The following DST variants were observed in gnomAD, a reference collection of about 807,000 sequenced individuals.
The protein encoded by DST is dystonin, also known as bullous pemphigoid antigen.
DST carries 253 observed loss-of-function variants against 875.2 expected under a neutral mutation model. The observed-to-expected ratio is 0.29, with a 90% CI of 0.26 to 0.32. The LOEUF (loss-of-function observed/expected upper bound fraction) is 0.32, where lower values mean the gene tolerates loss of function less well. DST is among the 10% of genes least tolerant of loss of function. The pLI, the probability that DST is intolerant of heterozygous loss-of-function variation, is 1.00. For missense variants in DST, 8,287 were observed against 9,111.6 expected (o/e 0.91, Z 3.68); for synonymous variants, 3,124 against 3,197.1 (o/e 0.98, Z 0.77).
chr6:56,784,926 G>A (rs1364351656), intron 4 of DST, among the ~76,000 whole-genome samples: 2 of 152,114 alleles, frequency 1.3e-5, no homozygotes, highest in Middle Eastern at 3.2e-3. Context: ...CTTTCTGTTT[G>A]TTAGTTTTCC....
At chr6:56,587,775 G>T (rs2152675077) in intron 49 of DST, among the ~76,000 whole-genome samples, 4 of 152,074 alleles carry the variant, frequency 2.6e-5, no homozygotes, top group Admixed American at 2.6e-4. Flanking sequence ...TTAAAGAAAA[G>T]AATTTTCAAC....
intron 61 of DST, among the ~76,000 whole-genome samples, chr6:56,537,157 A>G (rs1046086605): frequency 2.0e-5 from 3 of 152,248 alleles, no homozygotes; most frequent in African/African-American, 7.2e-5. Context: ...TGAGAATACT[A>G]AAGAATGATA....
intron 4 of DST, among the ~76,000 whole-genome samples, chr6:56,751,724 C>T (rs1343504376): frequency 6.6e-6 from 1 of 152,118 alleles, no homozygotes; most frequent in Non-Finnish European, 1.5e-5. Flanking sequence ...TTCTGTATAA[C>T]TACGAAATTA....
chr6:56,827,766 C>A (rs559669458), intron 4 of DST, among the ~76,000 whole-genome samples: 92 of 152,116 alleles, frequency 6.0e-4, no homozygotes, highest in Admixed American at 2.0e-4. Context: ...TAGAACTAAG[C>A]AGGGGCGGAA....
At chr6:56,626,047 T>C (rs1403624889) in intron 34 of DST, among the ~76,000 whole-genome samples, 1 of 151,680 alleles carries the variant, frequency 6.6e-6, no homozygotes, top group Admixed American at 6.6e-5. Flanking sequence ...AAGAAGATGC[T>C]TTTGTATGGC....
At chr6:56,815,604 T>C (rs1031855552) in intron 4 of DST, among the ~76,000 whole-genome samples, 7 of 152,282 alleles carry the variant, frequency 4.6e-5, no homozygotes, top group African/African-American at 9.6e-5. Flanking sequence ...CAAAGAGATA[T>C]GGAAGATGCC....
At chr6:56,570,156 C>T in intron 53 of DST, 144 bp from the exon 54 acceptor site, 1 of 587,472 alleles carries the variant, frequency 1.7e-6, no homozygotes, top group Non-Finnish European at 2.8e-6. Context: ...TAGGTGACAA[C>T]TGAAATCAGC....
chr6:56,603,757 G>A (rs373686107), intron 40 of DST, 44 bp from the exon 41 acceptor site: 3 of 1,577,674 alleles, frequency 1.9e-6, no homozygotes, highest in Non-Finnish European at 2.6e-6. Context: ...CCTTTATGCA[G>A]ATGTTTAAAG....
At chr6:56,901,636 T>A (rs1016234648) in intron 2 of DST, among the ~76,000 whole-genome samples, 23 of 149,776 alleles carry the variant, frequency 1.5e-4, no homozygotes, top group African/African-American at 5.9e-4. Flanking sequence ...TATATGTGTG[T>A]GTGTGTATCT....
At chr6:56,753,342 C>T (rs955001783) in intron 4 of DST, among the ~76,000 whole-genome samples, 1 of 152,168 alleles carries the variant, frequency 6.6e-6, no homozygotes, top group Admixed American at 6.5e-5. Flanking sequence ...TGCATATAAG[C>T]ATTTTCCTCT....
chr6:56,458,754 C>T lies in DST; in HGVS notation c.*251G>A. ...GTAACTGAGTTTAGTGTGTGCCCGG[C>T]ACGTTACAGTGCAGAAATGTTAGTT... On this transcript the variant is annotated 3_prime_UTR_variant, in exon 104 of 104. Coordinates refer to ENST00000680361, the MANE Select transcript of DST (RefSeq NM_001374736.1). 1 of 336,318 alleles carries T rather than the reference C, an allele frequency of 3.0e-6. No homozygotes were observed. Among genetic ancestry groups the T allele is most frequent in the Non-Finnish European group, 5.3e-6 (1 of 187,480 alleles). 20.8% of individuals were successfully genotyped at this position (336,318 alleles called of 1,614,324 possible).
chr6:56,805,298 A>C (rs1342135317), intron 4 of DST, among the ~76,000 whole-genome samples: 1 of 152,182 alleles, frequency 6.6e-6, no homozygotes, highest in Non-Finnish European at 1.5e-5. Flanking sequence ...GGTAAAATAC[A>C]AGGTCTTTGG....
chr6:56,515,749 C>T, intron 71 of DST, 81 bp from the exon 72 acceptor site: 2 of 1,071,548 alleles, frequency 1.9e-6, no homozygotes, highest in Non-Finnish European at 2.7e-6. Context: ...CAGCACAGTA[C>T]ACCTGGACAG....
chr6:56,561,651 C>G (rs113274402), intron 56 of DST, 102 bp from the exon 57 acceptor site: 1 of 1,174,668 alleles, frequency 8.5e-7, no homozygotes. Flanking sequence ...TCACTTCTAG[C>G]TTGTCATTAT....
intron 44 of DST, 59 bp from the exon 45 acceptor site, chr6:56,600,280 T>C: frequency 6.7e-7 from 1 of 1,503,636 alleles, no homozygotes; most frequent in Non-Finnish European, 9.1e-7. Flanking sequence ...ATCGCTATTG[T>C]GATAGCTTCT....
At chr6:56,706,903 G>T (rs1043626567) in intron 5 of DST, among the ~76,000 whole-genome samples, 1 of 152,198 alleles carries the variant, frequency 6.6e-6, no homozygotes, top group African/African-American at 2.4e-5. Flanking sequence ...TACTTGGGAC[G>T]CTGAGGCAGG....
rs368963414 is a variant in DST, at chr6:56,528,835, T to C, written c.17680+6A>G. The stretch of plus-strand genomic sequence containing the variant: ...ACATGATGATTTGATTTGAAAGATA[T>C]CTCACCTGTGGTTTGTTTAAGTAGT... On this transcript the variant is annotated splice_donor_region_variant and intron_variant, in intron 67 of 103. Coordinates refer to ENST00000680361, the MANE Select transcript of DST (RefSeq NM_001374736.1). 6 of 1,525,118 alleles carry C rather than the reference T, an allele frequency of 3.9e-6. No homozygotes were observed. Among genetic ancestry groups the C allele is most frequent in the Non-Finnish European group, 5.4e-6 (6 of 1,115,304 alleles). The allele number at this position is 1,525,118 out of a possible 1,614,324, so 94.5% of individuals were successfully genotyped here. A position where few individuals can be genotyped will look rare whatever the true frequency, so the allele number is the denominator to read the frequency against.
chr6:56,679,628 G>A (rs111361202), intron 9 of DST, among the ~76,000 whole-genome samples: 237 of 150,286 alleles, frequency 1.6e-3, no homozygotes, highest in African/African-American at 5.6e-3. Flanking sequence ...AAAATTAGCT[G>A]GGTACAGTGC....
intron 3 of DST, among the ~76,000 whole-genome samples, chr6:56,858,985 TAC>T: frequency 6.6e-6 from 1 of 152,196 alleles, no homozygotes; most frequent in Non-Finnish European, 1.5e-5. Context: ...GACCACATGG[TAC>T]TAAGTGCCCT....
Sources: gnomAD v4.1 joint callset for allele counts (sites outside exome capture counted in the v4.1 genomes callset) on GRCh38, gnomAD v4.1.1 for gene constraint, MANE v1.5 for transcripts, NCBI Gene and HGNC (gene_info 2026-07-23, HGNC 2026-07-21) for gene names.